The following STPG2 variants were observed in gnomAD, a reference collection of about 807,000 sequenced individuals.
STPG2 encodes sperm tail PG-rich repeat containing 2, also known as sperm-tail PG-rich repeat-containing protein 2.
A neutral mutation model predicts 54.2 loss-of-function variants in STPG2; 56 were observed. The ratio of observed to expected loss-of-function variants is 1.03; its 90% CI spans 0.83 to 1.29. The LOEUF is 1.29. Ranked by LOEUF, STPG2 falls within the 50% of genes most tolerant of loss-of-function variation. The probability of loss-of-function intolerance (pLI) is 0.00; values close to 1 mark genes in which losing one functional copy is unlikely to be tolerated. For synonymous variants in STPG2, 200 were observed against 181.8 expected, an observed-to-expected ratio of 1.10 and a Z score of -0.81; for missense variants, 596 against 544.9, an observed-to-expected ratio of 1.09 and a Z score of -0.93.
chr4:97,441,285 T>C (rs960885411), intron 4 of STPG2: 4 of 151,994 alleles, frequency 2.6e-5, no homozygotes, highest in Admixed American at 1.3e-4. Flanking sequence ...TTATATTTTA[T>C]ATGGATGCAT....
chr4:98,109,141 T>C (rs1739271512), intron 4 of STPG2, 52 bp downstream of exon 4: 2 of 1,138,958 alleles, frequency 1.8e-6, no homozygotes, highest in Admixed American at 4.7e-5. Context: ...ATTATTAAAA[T>C]ACTTTTCTAG....
chr4:97,768,467 A>T (rs1319694639), intron 9 of STPG2, among the ~76,000 whole-genome samples: 1 of 152,146 alleles, frequency 6.6e-6, no homozygotes, highest in Non-Finnish European at 1.5e-5. Flanking sequence ...ATTTATGCTG[A>T]GTGGGGTGGC....
At chr4:97,887,280 T>C (rs1336736121) in intron 8 of STPG2, among the ~76,000 whole-genome samples, 3 of 152,146 alleles carry the variant, frequency 2.0e-5, no homozygotes, top group Non-Finnish European at 4.4e-5. Flanking sequence ...AGGGAAATTT[T>C]AGAAATTACT....
intron 5 of STPG2, among the ~76,000 whole-genome samples, chr4:98,010,554 A>T (rs1735713466): frequency 6.6e-6 from 1 of 151,970 alleles, no homozygotes; most frequent in Non-Finnish European, 1.5e-5. Flanking sequence ...ATATACTTGG[A>T]TCTTGGTTTG....
intron 10 of STPG2, among the ~76,000 whole-genome samples, chr4:97,705,136 T>C (rs1046099469): frequency 6.6e-6 from 1 of 152,122 alleles, no homozygotes; most frequent in African/African-American, 2.4e-5. Flanking sequence ...CTATTCATTT[T>C]ATATTTTAGT....
intron 5 of STPG2, among the ~76,000 whole-genome samples, chr4:97,981,916 G>A (rs533230549): frequency 3.5e-5 from 5 of 142,764 alleles, no homozygotes; most frequent in Admixed American, 7.1e-5. Flanking sequence ...ACGGAGTCTC[G>A]CTCTGTTGCC....
At chr4:97,964,883 C>T (rs570434622) in intron 7 of STPG2, among the ~76,000 whole-genome samples, 13 of 152,184 alleles carry the variant, frequency 8.5e-5, no homozygotes, top group Non-Finnish European at 1.5e-4. Flanking sequence ...CCAAGATGGC[C>T]GAATAGGAAC....
At chr4:98,003,749 C>T (rs1170601197) in intron 5 of STPG2, among the ~76,000 whole-genome samples, 1 of 151,994 alleles carries the variant, frequency 6.6e-6, no homozygotes, top group Non-Finnish European at 1.5e-5. Context: ...TTTAAAACCC[C>T]AACATACTGA....
chr4:97,537,744 T>G (rs1327723588), intron 4 of STPG2, among the ~76,000 whole-genome samples: 1 of 152,148 alleles, frequency 6.6e-6, no homozygotes, highest in Non-Finnish European at 1.5e-5. Context: ...ACAGACTGCC[T>G]CCTCAAGTGG....
At chr4:97,507,538 C>T (rs1730879436) in intron 4 of STPG2, among the ~76,000 whole-genome samples, 2 of 152,040 alleles carry the variant, frequency 1.3e-5, no homozygotes, top group African/African-American at 4.8e-5. Context: ...GCAAATCCCA[C>T]AGGTTAAAGG....
chr4:97,751,336 C>T lies in STPG2; in HGVS notation c.1205-38522G>A, dbSNP rs150344811. On this transcript the variant is annotated intron_variant, in intron 9 of 10. Transcript: ENST00000295268. Reference sequence around the variant, plus strand: ...TGTAAGTGTAACAGTTTTTCTGAGGCATAGGAGTCCTTCTAGTGAATCACC... The same window carrying T: ...TGTAAGTGTAACAGTTTTTCTGAGGTATAGGAGTCCTTCTAGTGAATCACC... 2.0e-5 allele frequency among the ~76,000 whole-genome samples: 3 copies of T among 151,864 alleles called. No individual in the cohort carries two copies. In the East Asian group the frequency reaches 5.8e-4, roughly 29 times the overall value.
chr4:97,674,357 T>C (rs759768876), intron 10 of STPG2, among the ~76,000 whole-genome samples: 2 of 152,178 alleles, frequency 1.3e-5, no homozygotes, highest in Admixed American at 1.3e-4. Context: ...AAATTTTAAA[T>C]GTGATTCATA....
intron 4 of STPG2, among the ~76,000 whole-genome samples, chr4:97,510,840 C>T (rs375250209): frequency 5.9e-5 from 9 of 152,206 alleles, no homozygotes; most frequent in Admixed American, 2.0e-4. Context: ...CAGTGGCTCA[C>T]GCCGGTAATC....
Position 98,106,083 on chromosome 4 carries a change from G to A in STPG2, c.501-19C>T, listed in dbSNP as rs1370287621. The A allele has an allele frequency of 7.4e-7, 1 of 1,358,530 alleles. No homozygotes were observed. Among genetic ancestry groups the A allele is most frequent in the East Asian group, 2.5e-5 (1 of 39,874 alleles). 84.2% of individuals were successfully genotyped at this position (1,358,530 alleles called of 1,614,324 possible). A position where few individuals can be genotyped will look rare whatever the true frequency, so the allele number is the denominator to read the frequency against. ...CTTTTTCCTTCAGAAAATTCAAATA[G>A]AAATTAAGAATTCTCAATTTTAAAC... On this transcript the variant is annotated intron_variant, in intron 4 of 10. Transcript: ENST00000295268.
At chr4:97,617,544 T>C (rs1022212369) in intron 10 of STPG2, among the ~76,000 whole-genome samples, 2 of 152,116 alleles carry the variant, frequency 1.3e-5, no homozygotes, top group Non-Finnish European at 2.9e-5. Context: ...GTGGCGTTAG[T>C]AGGTTTGACA....
chr4:97,913,990 A>T (rs1731776619), intron 8 of STPG2, among the ~76,000 whole-genome samples: 1 of 152,218 alleles, frequency 6.6e-6, no homozygotes, highest in Non-Finnish European at 1.5e-5. Flanking sequence ...AGCTCAAATC[A>T]AAGCTGTACA....
At chr4:97,858,622 G>A in intron 8 of STPG2, among the ~76,000 whole-genome samples, 1 of 152,060 alleles carries the variant, frequency 6.6e-6, no homozygotes, top group East Asian at 1.9e-4. Context: ...TCATAGCTTA[G>A]CTTCCACTTA....
chr4:97,634,182 C>T (rs183457032), intron 10 of STPG2, among the ~76,000 whole-genome samples: 81 of 152,238 alleles, frequency 5.3e-4, no homozygotes, highest in African/African-American at 1.9e-3. Context: ...GGGTCCCTGA[C>T]CCCTGACCCC....
intron 8 of STPG2, among the ~76,000 whole-genome samples, chr4:97,923,530 T>C (rs907965338): frequency 6.6e-6 from 1 of 152,240 alleles, no homozygotes; most frequent in Non-Finnish European, 1.5e-5. Flanking sequence ...AGCTAAGGGA[T>C]TGTGAATGCA....
Sources: gnomAD v4.1 joint callset for allele counts (sites outside exome capture counted in the v4.1 genomes callset) on GRCh38, gnomAD v4.1.1 for gene constraint, MANE v1.5 for transcripts, NCBI Gene and HGNC (gene_info 2026-07-23, HGNC 2026-07-21) for gene names.